FBXL13: variants seen among roughly 807,000 people sequenced by gnomAD.
The protein encoded by FBXL13 is F-box and leucine rich repeat protein 13, also known as F-box and leucine-rich repeat protein 13.
FBXL13 carries 67 observed loss-of-function variants against 83.6 expected under a neutral mutation model. The ratio of observed to expected loss-of-function variants is 0.80; its 90% CI spans 0.66 to 0.98. FBXL13 has a LOEUF of 0.98. Among genes scored for constraint, FBXL13 ranks in the 50% least tolerant of loss-of-function variants. FBXL13 has a pLI of 0.00. For missense variants in FBXL13, 822 were observed against 866.5 expected, an observed-to-expected ratio of 0.95 and a Z score of 0.64; for synonymous variants, 272 against 299.5, an observed-to-expected ratio of 0.91 and a Z score of 0.95.
At chr7:103,026,640 A>G (rs942803604) in intron 5 of FBXL13, among the ~76,000 whole-genome samples, 1 of 152,186 alleles carries the variant, frequency 6.6e-6, no homozygotes, top group Non-Finnish European at 1.5e-5. Context: ...AAAGCTCAGC[A>G]CAGGCTCTAG....
At chr7:102,961,793 C>T (rs1488529156) in intron 8 of FBXL13, among the ~76,000 whole-genome samples, 4 of 135,682 alleles carry the variant, frequency 2.9e-5, no homozygotes, top group African/African-American at 1.1e-4. Context: ...ATGTAGAAAG[C>T]TGAAACTGGA....
At chr7:102,846,841 G>C (rs976576619) in intron 17 of FBXL13, among the ~76,000 whole-genome samples, 9 of 152,150 alleles carry the variant, frequency 5.9e-5, no homozygotes, top group Non-Finnish European at 1.2e-4. Flanking sequence ...GCAGGGTAGA[G>C]AGCACAAACA....
At chr7:102,955,559 G>C (rs1824116871) in intron 8 of FBXL13, among the ~76,000 whole-genome samples, 1 of 147,166 alleles carries the variant, frequency 6.8e-6, no homozygotes, top group South Asian at 2.1e-4. Flanking sequence ...AAGAGATAGA[G>C]ACACAAAAAA....
At chr7:103,035,529 C>T (rs1585477318) in intron 2 of FBXL13, among the ~76,000 whole-genome samples, 1 of 152,042 alleles carries the variant, frequency 6.6e-6, no homozygotes, top group Non-Finnish European at 1.5e-5. Flanking sequence ...ATTTATGGCT[C>T]TTTAATATAA....
exon 11 of FBXL13, chr7:102,913,182 A>G (rs1436708547): frequency 1.9e-6 from 3 of 1,614,206 alleles, no homozygotes; most frequent in Non-Finnish European, 2.5e-6. Context: ...GTCTGCAATA[A>G]GCCAAACTAA....
chr7:103,031,369 G>GT (rs1794494991), intron 2 of FBXL13: 1 of 152,218 alleles, frequency 6.6e-6, no homozygotes, highest in Non-Finnish European at 1.5e-5. Context: ...AGCTGGCAGT[G>GT]TTTTGCACAG....
chr7:102,976,060 T>TG, intron 6 of FBXL13: 1 of 766,418 alleles, frequency 1.3e-6, no homozygotes, highest in Non-Finnish European at 2.4e-6. Flanking sequence ...CACTGGAAGT[T>TG]GGACTGTGAG....
In FBXL13 at chr7:103,060,023, TA is replaced by T. The variant is rs1563286185; in HGVS notation, c.-104-4277del. Among the ~76,000 whole-genome samples, 7 of 57,192 alleles carry T rather than the reference TA, an allele frequency of 1.2e-4. 1 individual carries two copies. Among genetic ancestry groups the T allele is most frequent in the African/African-American group, 4.0e-4 (5 of 12,530 alleles). 37.5% of individuals were successfully genotyped at this position (57,192 alleles called of 152,430 possible). A position where few individuals can be genotyped will look rare whatever the true frequency, so the allele number is the denominator to read the frequency against. ...CAGATAATGATAGCAAGATATTTTA[TA>T]TATATATATATATATATATATATAT... On this transcript the variant is annotated intron_variant, in intron 1 of 19. Transcript: ENST00000313221.
chr7:102,963,813 A>G (rs1232148571), intron 7 of FBXL13, 148 bp from the exon 9 acceptor site: 1 of 725,784 alleles, frequency 1.4e-6, no homozygotes, highest in African/African-American at 1.8e-5. Flanking sequence ...CAGACAACCT[A>G]TAGAATGAGA....
intron 8 of FBXL13, among the ~76,000 whole-genome samples, chr7:102,941,420 C>A (rs1184097198): frequency 1.3e-5 from 2 of 152,102 alleles, no homozygotes; most frequent in African/African-American, 4.8e-5. Context: ...ACTTCCCAAG[C>A]CCCTACCTAG....
At chr7:102,832,864 A>AGATGTG in exon 18 of FBXL13, 1 of 1,614,168 alleles carries the variant, frequency 6.2e-7, no homozygotes, top group Non-Finnish European at 8.5e-7. Flanking sequence ...CAATGCTGAG[A>AGATGTG]GATGTGAGGT....
chr7:102,957,313 G>A (rs1159767663), intron 8 of FBXL13, among the ~76,000 whole-genome samples: 1 of 152,108 alleles, frequency 6.6e-6, no homozygotes, highest in Non-Finnish European at 1.5e-5. Context: ...AAATAATGCT[G>A]GGAAAATTGG....
At chr7:102,836,500 C>T (rs750131458) in intron 17 of FBXL13, among the ~76,000 whole-genome samples, 17 of 152,296 alleles carry the variant, frequency 1.1e-4, no homozygotes, top group African/African-American at 3.1e-4. Context: ...ATACTTCTAT[C>T]GATGCTGCTG....
At chr7:102,947,788 T>TAA (rs76124213) in intron 8 of FBXL13, among the ~76,000 whole-genome samples, 45 of 147,366 alleles carry the variant, frequency 3.1e-4, no homozygotes, top group African/African-American at 1.7e-4. Flanking sequence ...TAAAATAAGT[T>TAA]AAAAAAAAAA....
intron 2 of FBXL13, among the ~76,000 whole-genome samples, chr7:103,030,744 T>C (rs1207267869): frequency 2.6e-5 from 4 of 152,230 alleles, no homozygotes; most frequent in East Asian, 1.9e-4. Context: ...CCATTTGAAC[T>C]CAAGTTTTCT....
At chr7:103,051,691 G>C (rs1277469813) in intron 2 of FBXL13, among the ~76,000 whole-genome samples, 2 of 152,196 alleles carry the variant, frequency 1.3e-5, no homozygotes, top group African/African-American at 4.8e-5. Flanking sequence ...GTAGCCCCCA[G>C]AATCACAGCA....
chr7:103,052,588 A>G (rs978789832), intron 2 of FBXL13, among the ~76,000 whole-genome samples: 1 of 152,198 alleles, frequency 6.6e-6, no homozygotes, highest in African/African-American at 2.4e-5. Context: ...TATTTTCGTC[A>G]TTGCTTTTGC....
intron 11 of FBXL13, among the ~76,000 whole-genome samples, chr7:102,901,379 TC>T (rs1766855004): frequency 6.6e-6 from 1 of 152,304 alleles, no homozygotes; most frequent in Admixed American, 6.5e-5. Context: ...GTGGTATCCA[TC>T]CCCTTAAGCA....
At position 102,931,953 on chromosome 7, in the gene FBXL13, C is replaced by T. The variant is rs774314447; in HGVS notation, c.725-20G>A. ...AGTGGCCTAAATCAAATAAGTTACACGTCACTAAACTACATATTGCAAATG... is the reference window on the plus strand; with the variant it reads ...AGTGGCCTAAATCAAATAAGTTACATGTCACTAAACTACATATTGCAAATG... On this transcript the variant is annotated intron_variant, in intron 8 of 19. Transcript: ENST00000313221. 26 of 1,609,646 alleles carry T rather than the reference C, an allele frequency of 1.6e-5. No individual in the cohort carries two copies. The highest frequency in any genetic ancestry group is 6.7e-5 in the East Asian group (3 of 44,796).
Sources: allele counts gnomAD v4.1 joint callset (sites outside exome capture counted in the v4.1 genomes callset), GRCh38; gene constraint gnomAD v4.1.1; transcripts MANE v1.5; gene names NCBI Gene and HGNC (gene_info 2026-07-23, HGNC 2026-07-21).